SMCO4: variants seen among roughly 807,000 people sequenced by gnomAD.
The protein encoded by SMCO4 is single-pass membrane and coiled-coil domain-containing protein 4.
Under a neutral mutation model 3.6 loss-of-function variants are expected in SMCO4, and 4 were observed. That is an observed-to-expected ratio of 1.11 (90% CI 0.54 to 2.53). The LOEUF is 2.53. Among genes scored for constraint, SMCO4 ranks in the 30% most tolerant of loss-of-function variants. The probability of loss-of-function intolerance (pLI) is 0.02; values close to 1 mark genes in which losing one functional copy is unlikely to be tolerated. For missense variants in SMCO4, 70 were observed against 80.8 expected, an observed-to-expected ratio of 0.87 and a Z score of 0.51; for synonymous variants, 36 against 35.3, an observed-to-expected ratio of 1.02 and a Z score of -0.07.
chr11:93,500,757 A>G (rs1591311436), intron 1 of SMCO4, among the ~76,000 whole-genome samples: 1 of 152,228 alleles, frequency 6.6e-6, no homozygotes, highest in East Asian at 1.9e-4. Flanking sequence ...GACCTGAGTT[A>G]GAGGGTCTAT....
intron 1 of SMCO4, among the ~76,000 whole-genome samples, chr11:93,542,755 A>T (rs1591333732): frequency 7.6e-6 from 1 of 131,688 alleles, no homozygotes; most frequent in African/African-American, 2.9e-5. Context: ...CCCGACCCCC[A>T]GGCGCCGACC....
At chr11:93,553,712 T>A in the SMCO4 span, among the ~76,000 whole-genome samples, 1 of 152,238 alleles carries the variant, frequency 6.6e-6, no homozygotes, top group African/African-American at 2.4e-5. Context: ...CATCTTAACA[T>A]AACTGGTTTC....
chr11:93,544,876 T>C (rs1342562176), upstream of SMCO4, among the ~76,000 whole-genome samples: 2 of 152,178 alleles, frequency 1.3e-5, no homozygotes, highest in Non-Finnish European at 2.9e-5. Context: ...AGGCAACTAT[T>C]GATCAGTTTA....
At chr11:93,514,937 A>G (rs1392986906) in intron 1 of SMCO4, among the ~76,000 whole-genome samples, 2 of 152,194 alleles carry the variant, frequency 1.3e-5, no homozygotes, top group Admixed American at 6.5e-5. Context: ...ACATAGTTAG[A>G]TAAGTGGCAT....
At chr11:93,496,113 T>C (rs188941143) in intron 2 of SMCO4, among the ~76,000 whole-genome samples, 2 of 152,244 alleles carry the variant, frequency 1.3e-5, no homozygotes, top group East Asian at 1.9e-4. Flanking sequence ...GGGAATTACA[T>C]GATTTGACAA....
rs1317205091 is a variant in SMCO4 at position 93,539,514 on chromosome 11, C to T, written c.-154+3762G>A. 4.6e-5 allele frequency among the ~76,000 whole-genome samples: 7 copies of T among 152,146 alleles called. No individual in the cohort carries two copies. In the South Asian group the frequency reaches 6.2e-4, roughly 14 times the overall value. ...ATGACATTTCAAAAGCTCACAAAGA[C>T]GACACTTCTACTTTTTAAAAACTAT... On this transcript the variant is annotated intron_variant, in intron 1 of 2. Coordinates refer to ENST00000298966, the MANE Select transcript of SMCO4 (RefSeq NM_020179.3).
At chr11:93,534,398 A>ATC (rs1157579206) in intron 1 of SMCO4, among the ~76,000 whole-genome samples, 119 of 145,978 alleles carry the variant, frequency 8.2e-4, no homozygotes, top group African/African-American at 2.9e-3. Context: ...AGAGAGAGAT[A>ATC]CATATATATA....
chr11:93,529,471 C>T (rs1298137807), intron 1 of SMCO4, among the ~76,000 whole-genome samples: 1 of 152,114 alleles, frequency 6.6e-6, no homozygotes, highest in Admixed American at 6.5e-5. Flanking sequence ...ACAATGACAT[C>T]GGCCTCCCAG....
chr11:93,526,000 C>T (rs955058793), intron 1 of SMCO4, among the ~76,000 whole-genome samples: 3 of 152,178 alleles, frequency 2.0e-5, no homozygotes, highest in Non-Finnish European at 4.4e-5. Flanking sequence ...CTGACTATCC[C>T]CAATAATCCA....
At chr11:93,530,357 T>C (rs1436989278) in intron 1 of SMCO4, among the ~76,000 whole-genome samples, 2 of 152,128 alleles carry the variant, frequency 1.3e-5, no homozygotes, top group East Asian at 3.9e-4. Flanking sequence ...TTGTGGTTTA[T>C]GTGTGGGTGG....
chr11:93,525,381 A>T (rs182922536), intron 1 of SMCO4, among the ~76,000 whole-genome samples: 19 of 152,388 alleles, frequency 1.2e-4, no homozygotes, highest in Non-Finnish European at 2.2e-4. Context: ...GGCACACAGC[A>T]ACTGAAGCTA....
chr11:93,502,566 G>C (rs910695914), intron 1 of SMCO4, among the ~76,000 whole-genome samples: 1 of 152,156 alleles, frequency 6.6e-6, no homozygotes, highest in East Asian at 1.9e-4. Context: ...TGCGATAACA[G>C]GTATGGCCAT....
At chr11:93,500,995 G>A (rs1460989495) in intron 1 of SMCO4, among the ~76,000 whole-genome samples, 18 of 152,294 alleles carry the variant, frequency 1.2e-4, no homozygotes, top group South Asian at 2.1e-4. Flanking sequence ...GCTGGCCTCC[G>A]AAGGGCAACT....
chr11:93,480,353 G>A (rs1948577572), intron 2 of SMCO4, among the ~76,000 whole-genome samples: 1 of 152,116 alleles, frequency 6.6e-6, no homozygotes. Context: ...GAGCCACCAT[G>A]ACCACCCCCA....
upstream of SMCO4, among the ~76,000 whole-genome samples, chr11:93,545,025 C>T (rs1949304775): frequency 6.6e-6 from 1 of 152,138 alleles, no homozygotes; most frequent in South Asian, 2.1e-4. Flanking sequence ...GGATTGGGAG[C>T]ATATGGGATG....
intron 1 of SMCO4, among the ~76,000 whole-genome samples, chr11:93,519,042 A>G (rs1352660841): frequency 1.3e-5 from 2 of 152,270 alleles, no homozygotes; most frequent in South Asian, 2.1e-4. Context: ...ATTTCTAATT[A>G]GTTCTAAACT....
chr11:93,495,410 C>A (rs1289888065), intron 2 of SMCO4, among the ~76,000 whole-genome samples: 1 of 151,980 alleles, frequency 6.6e-6, no homozygotes, highest in African/African-American at 2.4e-5. Context: ...AATTCAGGTA[C>A]GTGCTTTTCA....
At chr11:93,551,069 A>G in the SMCO4 span, among the ~76,000 whole-genome samples, 3 of 152,226 alleles carry the variant, frequency 2.0e-5, no homozygotes, top group African/African-American at 4.8e-5. Flanking sequence ...CACCTAGTAC[A>G]TGCAGGCAAT....
At chr11:93,537,165 T>C (rs1382556431) in intron 1 of SMCO4, among the ~76,000 whole-genome samples, 4 of 152,228 alleles carry the variant, frequency 2.6e-5, no homozygotes, top group African/African-American at 9.6e-5. Context: ...GAGGGAGGCC[T>C]CCACTGTCAC....
Sources: gnomAD v4.1 joint callset for allele counts (sites outside exome capture counted in the v4.1 genomes callset) on GRCh38, gnomAD v4.1.1 for gene constraint, MANE v1.5 for transcripts, NCBI Gene and HGNC (gene_info 2026-07-23, HGNC 2026-07-21) for gene names.